Variants in CEMIP observed in about 807,000 individuals in gnomAD.
CEMIP encodes the protein cell migration inducing hyaluronidase 1.
In CEMIP, 105 loss-of-function variants were observed where a neutral mutation model predicts 156.9. That is an observed-to-expected ratio of 0.67 (90% CI 0.57 to 0.79). CEMIP has a LOEUF of 0.79. Ranked by LOEUF, CEMIP falls within the 30% of genes least tolerant of loss-of-function variation. The pLI is 0.00. For synonymous variants in CEMIP, 676 were observed against 668.4 expected (o/e 1.01, Z -0.17); for missense variants, 1,457 against 1,769.4 (o/e 0.82, Z 3.17).
At chr15:80,858,905 TG>T (rs1049874404) in intron 1 of CEMIP, among the ~76,000 whole-genome samples, 1 of 152,162 alleles carries the variant, frequency 6.6e-6, no homozygotes, top group Non-Finnish European at 1.5e-5. Context: ...CAGGCATAAT[TG>T]GGTCTTGGTG....
At chr15:80,928,013 G>C (rs541044810) in intron 19 of CEMIP, among the ~76,000 whole-genome samples, 107 of 152,126 alleles carry the variant, frequency 7.0e-4, no homozygotes, top group Non-Finnish European at 1.3e-3. Context: ...CAGCTGATGT[G>C]GATTCACCAG....
At chr15:80,824,151 G>C (rs1390885734) in intron 1 of CEMIP, among the ~76,000 whole-genome samples, 5 of 152,156 alleles carry the variant, frequency 3.3e-5, no homozygotes, top group Non-Finnish European at 7.4e-5. Flanking sequence ...AGGCACACTG[G>C]GGGGCCCTGG....
At chr15:80,904,502 T>C (rs1050773864) in intron 12 of CEMIP, among the ~76,000 whole-genome samples, 1 of 152,206 alleles carries the variant, frequency 6.6e-6, no homozygotes, top group Non-Finnish European at 1.5e-5. Flanking sequence ...AAAAGGGACT[T>C]TGCAGATGTG....
intron 1 of CEMIP, among the ~76,000 whole-genome samples, chr15:80,872,601 G>A (rs1242042373): frequency 6.6e-6 from 1 of 152,184 alleles, no homozygotes; most frequent in Non-Finnish European, 1.5e-5. Flanking sequence ...GATCACTTGA[G>A]GTCAGGAGTT....
intron 13 of CEMIP, among the ~76,000 whole-genome samples, chr15:80,908,655 T>G (rs542765229): frequency 2.0e-5 from 3 of 152,062 alleles, no homozygotes; most frequent in Non-Finnish European, 2.9e-5. Flanking sequence ...AGGTCTTGGG[T>G]GGGAGACAAT....
In CEMIP at chr15:80,842,074, A is replaced by G. The variant is rs369472506; in HGVS notation, c.-175-31464A>G. The G allele has an allele frequency of 4.7e-5, 25 of 530,948 alleles. 1 individual carries two copies. The highest frequency in any genetic ancestry group is 3.0e-4 in the South Asian group (21 of 70,710). The allele number at this position is 530,948 out of a possible 1,614,324, so 32.9% of individuals were successfully genotyped here. A position where few individuals can be genotyped will look rare whatever the true frequency, so the allele number is the denominator to read the frequency against. On this transcript the variant is annotated intron_variant, in intron 1 of 29. Transcript: ENST00000394685. ...CAATATATTCTTGAGTTGCATGTCT[A>G]TCAGAAGATGTGATGCCAGGTTCTC...
chr15:80,857,234 C>A (rs1359954424), intron 1 of CEMIP, among the ~76,000 whole-genome samples: 1 of 152,212 alleles, frequency 6.6e-6, no homozygotes. Context: ...AGGAAGGCTG[C>A]ACTCTCTGAA....
In CEMIP at chr15:80,933,470, C is replaced by G. The variant is rs1397054434; in HGVS notation, c.3009+10C>G. ...TGGGTGCTATGCACAGGTGGGGACA[C>G]CATTCTGGGGGCCGGCCACTCACTT... is the stretch of plus-strand genomic sequence containing the variant. On this transcript the variant is annotated intron_variant, in intron 23 of 29. Coordinates refer to ENST00000394685, the MANE Select transcript of CEMIP (RefSeq NM_001293298.2). The G allele has an allele frequency of 1.5e-5, 24 of 1,609,294 alleles. No individual in the cohort carries two copies. Among genetic ancestry groups the G allele is most frequent in the Non-Finnish European group, 2.0e-5 (24 of 1,175,754 alleles).
intron 1 of CEMIP, among the ~76,000 whole-genome samples, chr15:80,817,602 AAATAATAATAATAATAAT>A (rs59356064): frequency 2.9e-5 from 4 of 138,768 alleles, no homozygotes; most frequent in East Asian, 2.1e-4. Flanking sequence ...CCCTGTCTCA[AAATAATAATAATAATAAT>A]AATAATAATA....
intron 1 of CEMIP, among the ~76,000 whole-genome samples, chr15:80,785,810 A>G (rs978812009): frequency 6.6e-6 from 1 of 152,142 alleles, no homozygotes; most frequent in African/African-American, 2.4e-5. Flanking sequence ...CCTGCCTCAG[A>G]TGCATAAGCT....
At chr15:80,827,359 G>A (rs1387676270) in intron 1 of CEMIP, among the ~76,000 whole-genome samples, 1 of 152,170 alleles carries the variant, frequency 6.6e-6, no homozygotes, top group Non-Finnish European at 1.5e-5. Flanking sequence ...CAAAGTCAAC[G>A]ACCTGCACAG....
chr15:80,914,953 C>T (rs769867829), intron 14 of CEMIP, among the ~76,000 whole-genome samples: 1 of 151,768 alleles, frequency 6.6e-6, no homozygotes, highest in Non-Finnish European at 1.5e-5. Flanking sequence ...TTGGTGGGGT[C>T]GGATATGAAA....
At chr15:80,904,683 A>G (rs192623156) in intron 12 of CEMIP, among the ~76,000 whole-genome samples, 1 of 152,342 alleles carries the variant, frequency 6.6e-6, no homozygotes. Flanking sequence ...GGAAGGGGTC[A>G]TGAGCCAAGG....
rs373880457 is a variant in CEMIP, at chr15:80,878,772, G to A, written c.146G>A (p.Gly49Asp). 1.1e-5 allele frequency: 17 copies of A among 1,614,022 alleles called. No individual in the cohort carries two copies. In the African/African-American group the frequency reaches 1.9e-4, roughly 18 times the overall value. Residue 49 changes from glycine to aspartate, a missense_variant, in exon 4 of 30, where the codon GGC (glycine) becomes GAC (aspartate). Gly to Asp is a moderately conservative substitution (Grantham distance 94). Coordinates refer to ENST00000394685, the MANE Select transcript of CEMIP (RefSeq NM_001293298.2). ...QSPELQPWNP[G>D]HDQDHHVHIG... ...CCTGAGTTGCAACCCTGGAACCCTGGCCATGACCAAGACCACCATGTGCAT... is the reference window on the plus strand; with the variant it reads ...CCTGAGTTGCAACCCTGGAACCCTGACCATGACCAAGACCACCATGTGCAT...
intron 12 of CEMIP, chr15:80,903,080 C>G (rs1434258416): frequency 6.6e-6 from 1 of 152,208 alleles, no homozygotes; most frequent in African/African-American, 2.4e-5. Flanking sequence ...ACAATCCTCC[C>G]CATCACATTA....
intron 1 of CEMIP, among the ~76,000 whole-genome samples, chr15:80,869,696 G>A (rs998947759): frequency 8.5e-5 from 13 of 152,258 alleles, no homozygotes; most frequent in South Asian, 2.1e-4. Flanking sequence ...ATTCACATCC[G>A]ATTCCTCTCT....
chr15:80,946,672 C>G, intron 28 of CEMIP: 3 of 431,778 alleles, frequency 6.9e-6, no homozygotes, highest in South Asian at 4.3e-5. Context: ...CTTACATCCT[C>G]TCCTCTGTTT....
chr15:80,848,429 A>G (rs1324603199), intron 1 of CEMIP, among the ~76,000 whole-genome samples: 2 of 152,194 alleles, frequency 1.3e-5, no homozygotes, highest in Non-Finnish European at 2.9e-5. Flanking sequence ...TAATACATTT[A>G]TAGACCTGTG....
At chr15:80,830,169 A>G (rs1360065252) in intron 1 of CEMIP, among the ~76,000 whole-genome samples, 1 of 152,160 alleles carries the variant, frequency 6.6e-6, no homozygotes, top group African/African-American at 2.4e-5. Flanking sequence ...ATGGCTGGTC[A>G]CTTTTACATC....
Sources: gnomAD v4.1 joint callset for allele counts (sites outside exome capture counted in the v4.1 genomes callset) on GRCh38, gnomAD v4.1.1 for gene constraint, MANE v1.5 for transcripts, NCBI Gene and HGNC (gene_info 2026-07-23, HGNC 2026-07-21) for gene names.